The following TMEM232 variants were observed in gnomAD, a reference collection of about 807,000 sequenced individuals.
TMEM232 encodes the protein transmembrane protein 232.
A neutral mutation model predicts 78.8 loss-of-function variants in TMEM232; 80 were observed. The ratio of observed to expected loss-of-function variants is 1.01; its 90% CI spans 0.85 to 1.22. The LOEUF (loss-of-function observed/expected upper bound fraction) is 1.22. Among genes scored for constraint, TMEM232 ranks in the 50% most tolerant of loss-of-function variants. The pLI, the probability that TMEM232 is intolerant of heterozygous loss-of-function variation, is 0.00. For missense variants in TMEM232, 881 were observed against 742.2 expected (o/e 1.19, Z -2.17); for synonymous variants, 297 against 254.3 (o/e 1.17, Z -1.60).
chr5:110,484,997 T>A (rs937919630), intron 12 of TMEM232, among the ~76,000 whole-genome samples: 2 of 152,100 alleles, frequency 1.3e-5, no homozygotes, highest in South Asian at 4.1e-4. Flanking sequence ...GATATTAGCA[T>A]GGATGCAGTG....
intron 12 of TMEM232, among the ~76,000 whole-genome samples, chr5:110,500,673 A>T (rs1047632991): frequency 6.6e-6 from 1 of 152,108 alleles, no homozygotes; most frequent in East Asian, 1.9e-4. Flanking sequence ...AAAAATAAAT[A>T]AAAGACAATA....
At chr5:110,437,571 C>T (rs978383826) in intron 12 of TMEM232, among the ~76,000 whole-genome samples, 2 of 151,754 alleles carry the variant, frequency 1.3e-5, no homozygotes, top group Non-Finnish European at 2.9e-5. Context: ...AACTTTGGTG[C>T]TAGTTTTATT....
rs542048007 is a variant in TMEM232, at chr5:110,618,852, C to G, written c.769-290G>C. On this transcript the variant is annotated intron_variant, in intron 7 of 13. Coordinates refer to ENST00000455884, the MANE Select transcript of TMEM232 (RefSeq NM_001039763.4). ...TCACATAAGGGATAGCTATTAGACACAATTGTGGTTCGTAGATTCTATGTG... is the reference window on the plus strand; with the variant it reads ...TCACATAAGGGATAGCTATTAGACAGAATTGTGGTTCGTAGATTCTATGTG... 4.6e-5 allele frequency among the ~76,000 whole-genome samples: 7 copies of G among 152,226 alleles called. No individual in the cohort carries two copies. In the East Asian group the frequency reaches 1.2e-3, roughly 25 times the overall value.
intron 2 of TMEM232, among the ~76,000 whole-genome samples, chr5:110,408,851 T>C (rs1755888913): frequency 6.6e-6 from 1 of 152,042 alleles, no homozygotes; most frequent in Non-Finnish European, 1.5e-5. Context: ...CAAAAGAACA[T>C]GCCCACCTAG....
intron 12 of TMEM232, among the ~76,000 whole-genome samples, chr5:110,459,276 A>G (rs960396126): frequency 1.3e-5 from 2 of 151,998 alleles, no homozygotes; most frequent in African/African-American, 4.8e-5. Context: ...ATGTGGACAA[A>G]CTCTTATTTG....
chr5:110,640,871 T>C lies in TMEM232; in HGVS notation c.343+20A>G. 1.4e-6 allele frequency: 2 copies of C among 1,460,466 alleles called. No homozygotes were observed. Among genetic ancestry groups the C allele is most frequent in the Non-Finnish European group, 1.8e-6 (2 of 1,096,432 alleles). 90.5% of individuals were successfully genotyped at this position (1,460,466 alleles called of 1,614,324 possible). A position where few individuals can be genotyped will look rare whatever the true frequency, so the allele number is the denominator to read the frequency against. ...TATAGAAAATACTTAGGATGCCTAA[T>C]AAGAATTTAAAGTACGTACCATCTT... On this transcript the variant is annotated intron_variant, in intron 4 of 13. Transcript: ENST00000455884.
rs757610709 is a variant in TMEM232, at chr5:110,640,955, C to G, written c.279G>C (p.Val93=). 6.4e-5 allele frequency: 98 copies of G among 1,539,332 alleles called. No homozygotes were observed. The highest frequency in any genetic ancestry group is 8.0e-5 in the Non-Finnish European group (91 of 1,140,920). The change falls in exon 4 of 14, where the codon GTG becomes GTC. Residue 93 remains valine (V), a synonymous_variant. Transcript: ENST00000455884. ...CTTCAGTCCATGCAGCAGGAAGATG[C>G]ACATGCCTTCCAGAGCCCAGGGTTT... ...GLKTLGSGRH[V]HLPAAWTEVI...
At chr5:110,709,189 T>G (rs181836845) in intron 1 of TMEM232, among the ~76,000 whole-genome samples, 1 of 152,156 alleles carries the variant, frequency 6.6e-6, no homozygotes, top group East Asian at 1.9e-4. Context: ...ATATAAAAAT[T>G]GGAAATATAT....
chr5:110,585,227 A>T (rs1205872228), intron 10 of TMEM232, among the ~76,000 whole-genome samples: 1 of 152,156 alleles, frequency 6.6e-6, no homozygotes, highest in African/African-American at 2.4e-5. Flanking sequence ...ACAAGGGAAT[A>T]AACAGAATGG....
intron 12 of TMEM232, among the ~76,000 whole-genome samples, chr5:110,440,865 G>A (rs1046133141): frequency 6.6e-6 from 1 of 152,110 alleles, no homozygotes; most frequent in Admixed American, 6.6e-5. Flanking sequence ...ACAGACAAAT[G>A]CTGAAATCTC....
intron 10 of TMEM232, among the ~76,000 whole-genome samples, chr5:110,575,197 T>G (rs1477526809): frequency 1.3e-5 from 2 of 152,060 alleles, no homozygotes; most frequent in African/African-American, 4.8e-5. Context: ...GTACATAATA[T>G]ATATTAGTGA....
chr5:110,426,437 C>CTATGA (rs1486881471), intron 12 of TMEM232, among the ~76,000 whole-genome samples: 1 of 151,994 alleles, frequency 6.6e-6, no homozygotes, highest in Non-Finnish European at 1.5e-5. Context: ...TAAATGAGAA[C>CTATGA]TATGATATGC....
At chr5:110,606,664 G>A (rs115867362) in intron 8 of TMEM232, among the ~76,000 whole-genome samples, 7 of 151,704 alleles carry the variant, frequency 4.6e-5, no homozygotes, top group African/African-American at 1.7e-4. Flanking sequence ...AATTTCAAGA[G>A]AGTGTTTTCT....
At chr5:110,731,315 C>A (rs1798658199), upstream of TMEM232, among the ~76,000 whole-genome samples, 2 of 152,202 alleles carry the variant, frequency 1.3e-5, no homozygotes, top group African/African-American at 2.4e-5. Flanking sequence ...GTGGACCTAA[C>A]ATTCTGGGGT....
In TMEM232 at chr5:110,477,246, G is replaced by A. The variant is rs114302847; in HGVS notation, c.1703+51342C>T. ...CACTGGGAAAAATGCTTGGTTAACC[G>A]TAGATGGTTGCACTTCCATAAAAAG... On this transcript the variant is annotated intron_variant, in intron 12 of 13. Coordinates refer to ENST00000455884, the MANE Select transcript of TMEM232 (RefSeq NM_001039763.4). Among the ~76,000 whole-genome samples, 1,388 of 151,982 alleles carry A rather than the reference G, an allele frequency of 9.1e-3. 21 individuals carry two copies. Among genetic ancestry groups the A allele is most frequent in the African/African-American group, 0.032 (1,312 of 41,520 alleles).
At chr5:110,506,200 A>T (rs887274915) in intron 12 of TMEM232, among the ~76,000 whole-genome samples, 4 of 152,122 alleles carry the variant, frequency 2.6e-5, no homozygotes, top group Non-Finnish European at 5.9e-5. Context: ...TGTTAAACTG[A>T]CCTATTTTTT....
Position 110,638,319 on chromosome 5 carries a change from G to A in TMEM232, c.380C>T (p.Ala127Val). ...LNMLYASLDH[A>V]SFDYDHLPAL... Reference sequence around the variant, plus strand: ...AGGCAGATGATCATAATCAAAGGAAGCATGGTCCAGAGATGCATAAAGCAT... The same window carrying A: ...AGGCAGATGATCATAATCAAAGGAAACATGGTCCAGAGATGCATAAAGCAT... The change falls in exon 5 of 14, where the codon GCT becomes GTT. Residue 127 changes from alanine to valine, a missense_variant. Coordinates refer to ENST00000455884, the MANE Select transcript of TMEM232 (RefSeq NM_001039763.4). 6.4e-7 allele frequency: 1 copy of A among 1,550,658 alleles called. No homozygotes were observed. The highest frequency in any genetic ancestry group is 8.7e-7 in the Non-Finnish European group (1 of 1,146,428).
At chr5:110,581,337 G>A (rs1326127792) in intron 10 of TMEM232, among the ~76,000 whole-genome samples, 1 of 151,852 alleles carries the variant, frequency 6.6e-6, no homozygotes, top group Non-Finnish European at 1.5e-5. Flanking sequence ...CAGTGGAACA[G>A]TATAGAGAAC....
upstream of TMEM232, among the ~76,000 whole-genome samples, chr5:110,728,562 A>G (rs747563697): frequency 1.3e-5 from 2 of 151,686 alleles, no homozygotes; most frequent in Non-Finnish European, 2.9e-5. Flanking sequence ...GAGACCCACA[A>G]TGATTTTAAA....
Sources: gnomAD v4.1 joint callset for allele counts (sites outside exome capture counted in the v4.1 genomes callset) on GRCh38, gnomAD v4.1.1 for gene constraint, MANE v1.5 for transcripts, NCBI Gene and HGNC (gene_info 2026-07-23, HGNC 2026-07-21) for gene names.